Variants in EPS15 observed in about 807,000 individuals in gnomAD.
EPS15 encodes the protein epidermal growth factor receptor pathway substrate 15, also known as epidermal growth factor receptor substrate 15.
A neutral mutation model predicts 113.8 loss-of-function variants in EPS15; 72 were observed. The observed-to-expected ratio is 0.63, with a 90% CI of 0.52 to 0.77. The LOEUF is 0.77. Among genes scored for constraint, EPS15 ranks in the 30% least tolerant of loss-of-function variants. The pLI is 0.00. For missense variants in EPS15, 1,048 were observed against 1,045.8 expected, an observed-to-expected ratio of 1.00 and a Z score of -0.03; for synonymous variants, 344 against 363.4, an observed-to-expected ratio of 0.95 and a Z score of 0.61.
At chr1:51,413,528 C>G (rs1400270571) in intron 13 of EPS15, among the ~76,000 whole-genome samples, 5 of 152,136 alleles carry the variant, frequency 3.3e-5, no homozygotes, top group Admixed American at 3.3e-4. Context: ...GACTTACATT[C>G]TTTTTACATA....
intron 1 of EPS15, among the ~76,000 whole-genome samples, chr1:51,491,083 A>G (rs2148536977): frequency 6.6e-6 from 1 of 152,316 alleles, no homozygotes. Flanking sequence ...TGCGATGGCA[A>G]ATCAGGGCCA....
chr1:51,408,471 A>T (rs1231309004), intron 14 of EPS15, 139 bp from the exon 15 acceptor site: 2 of 651,364 alleles, frequency 3.1e-6, no homozygotes, highest in Non-Finnish European at 5.2e-6. Flanking sequence ...TAATTTATTT[A>T]ATTTAATTTT....
At chr1:51,371,009 GGGTTAAAGC>G (rs1430785939) in intron 21 of EPS15, among the ~76,000 whole-genome samples, 1 of 152,004 alleles carries the variant, frequency 6.6e-6, no homozygotes, top group Non-Finnish European at 1.5e-5. Flanking sequence ...TCCACCTCCC[GGGTTAAAGC>G]GATTCTTGTG....
chr1:51,382,994 C>A (rs972541174), intron 21 of EPS15, among the ~76,000 whole-genome samples: 3 of 152,104 alleles, frequency 2.0e-5, no homozygotes, highest in Admixed American at 6.6e-5. Flanking sequence ...AAATCCTCAA[C>A]AGAATTCAAC....
intron 13 of EPS15, 120 bp downstream of exon 13, chr1:51,421,666 T>C: frequency 2.0e-6 from 1 of 490,776 alleles, no homozygotes; most frequent in Non-Finnish European, 3.5e-6. Flanking sequence ...ATTTATATAA[T>C]ATAAACATTA....
At position 51,445,049 on chromosome 1, in the gene EPS15, C is replaced by T; in HGVS notation, c.798-4G>A. ...GTCCTTTGTGTCGCATAATGACCTG[C>T]ACAAATAAACAAAATGAATGGTATG... On this transcript the variant is annotated splice_region_variant and splice_polypyrimidine_tract_variant and intron_variant, in intron 10 of 24. Transcript: ENST00000371733. The T allele has an allele frequency of 6.2e-7, 1 of 1,609,936 alleles. No individual in the cohort carries two copies.
chr1:51,499,237 A>C (rs185355370), intron 1 of EPS15, among the ~76,000 whole-genome samples: 1 of 152,238 alleles, frequency 6.6e-6, no homozygotes, highest in Admixed American at 6.5e-5. Context: ...ATATAAAAAC[A>C]AACATAATAT....
chr1:51,418,501 G>A (rs1650451626), intron 13 of EPS15, among the ~76,000 whole-genome samples: 1 of 152,082 alleles, frequency 6.6e-6, no homozygotes, highest in Admixed American at 6.6e-5. Flanking sequence ...GATAGGAAGG[G>A]GGGGAAAATG....
At chr1:51,457,454 C>A (rs974792120) in intron 8 of EPS15, 1 of 150,984 alleles carries the variant, frequency 6.6e-6, no homozygotes, top group Non-Finnish European at 1.5e-5. Flanking sequence ...GAATCCCCTA[C>A]CCAAAATGCT....
intron 21 of EPS15, among the ~76,000 whole-genome samples, chr1:51,375,516 TA>T (rs960642880): frequency 5.3e-5 from 8 of 152,170 alleles, no homozygotes; most frequent in African/African-American, 1.7e-4. Flanking sequence ...GTAAGGTGGG[TA>T]AATGTCTTGT....
chr1:51,363,819 A>C, intron 23 of EPS15, 47 bp downstream of exon 23: 26 of 1,535,656 alleles, frequency 1.7e-5, no homozygotes, highest in Non-Finnish European at 2.0e-5. Flanking sequence ...CTTTTCAGAA[A>C]GAGAAAAGCC....
intron 1 of EPS15, among the ~76,000 whole-genome samples, chr1:51,517,128 T>G (rs1162485818): frequency 6.6e-6 from 1 of 152,226 alleles, no homozygotes; most frequent in Non-Finnish European, 1.5e-5. Flanking sequence ...GGAGGCACAT[T>G]AGGGTATACT....
At chr1:51,402,403 TA>T in intron 18 of EPS15, 31 bp downstream of exon 18, 2 of 1,180,222 alleles carry the variant, frequency 1.7e-6, no homozygotes, top group Non-Finnish European at 1.2e-6. Context: ...TTTTTTTGGG[TA>T]AATCTATAAT....
At chr1:51,505,078 C>A (rs1296990005) in intron 1 of EPS15, among the ~76,000 whole-genome samples, 1 of 151,936 alleles carries the variant, frequency 6.6e-6, no homozygotes, top group Non-Finnish European at 1.5e-5. Context: ...CATGATTGCG[C>A]CACTGCACTC....
intron 21 of EPS15, among the ~76,000 whole-genome samples, chr1:51,369,601 T>C (rs954122915): frequency 6.6e-6 from 1 of 152,238 alleles, no homozygotes; most frequent in Non-Finnish European, 1.5e-5. Context: ...CTTATGAATA[T>C]TTCAGCATAC....
At chr1:51,502,663 T>A (rs891357407) in intron 1 of EPS15, among the ~76,000 whole-genome samples, 2 of 152,152 alleles carry the variant, frequency 1.3e-5, no homozygotes, top group Non-Finnish European at 2.9e-5. Flanking sequence ...TATAAAAAAA[T>A]TTTTGTTTTT....
chr1:51,423,524 T>TC lies in EPS15; in HGVS notation c.1041-1667dup, dbSNP rs201876223. The TC allele has an allele frequency of 3.8e-4, 371 of 984,996 alleles. 3 individuals are homozygous for TC. The African/African-American group carries it at 6.0e-3, about 16-fold the overall frequency. The allele number at this position is 984,996 out of a possible 1,614,324, so 61.0% of individuals were successfully genotyped here. ...TAAGTCACATGAAAATCTAGCACCC[T>TC]CCCCCCATCCCAAATCCTCAGAGGC... On this transcript the variant is annotated intron_variant, in intron 12 of 24. Coordinates refer to ENST00000371733, the MANE Select transcript of EPS15 (RefSeq NM_001981.3).
chr1:51,426,495 G>A (rs923776703), intron 12 of EPS15, among the ~76,000 whole-genome samples: 2 of 150,304 alleles, frequency 1.3e-5, no homozygotes, highest in Middle Eastern at 3.4e-3. Flanking sequence ...GGGCTGATTT[G>A]GCTAGGCCAC....
At chr1:51,381,501 G>C (rs905419986) in intron 21 of EPS15, among the ~76,000 whole-genome samples, 2 of 152,164 alleles carry the variant, frequency 1.3e-5, no homozygotes, top group Non-Finnish European at 2.9e-5. Context: ...GCTGAGGCAG[G>C]AGAATTGCTT....
Sources: gnomAD v4.1 joint callset for allele counts (sites outside exome capture counted in the v4.1 genomes callset) on GRCh38, gnomAD v4.1.1 for gene constraint, MANE v1.5 for transcripts, NCBI Gene and HGNC (gene_info 2026-07-23, HGNC 2026-07-21) for gene names.